The following KIAA1217 variants were observed in gnomAD, a reference collection of about 807,000 sequenced individuals.
KIAA1217 encodes sickle tail protein homolog.
Under a neutral mutation model 163.9 loss-of-function variants are expected in KIAA1217, and 88 were observed. The ratio of observed to expected loss-of-function variants is 0.54; its 90% CI spans 0.45 to 0.64. The LOEUF (loss-of-function observed/expected upper bound fraction) is 0.64. KIAA1217 is among the 30% of genes least tolerant of loss of function. The pLI, the probability that KIAA1217 is intolerant of heterozygous loss-of-function variation, is 0.00. For synonymous variants in KIAA1217, 903 were observed against 923.1 expected, an observed-to-expected ratio of 0.98 and a Z score of 0.39; for missense variants, 2,372 against 2,475.0, an observed-to-expected ratio of 0.96 and a Z score of 0.88.
intron 2 of KIAA1217, among the ~76,000 whole-genome samples, chr10:24,033,849 C>T (rs1238684205): frequency 6.6e-6 from 1 of 152,196 alleles, no homozygotes; most frequent in Non-Finnish European, 1.5e-5. Flanking sequence ...TTGTCTATGG[C>T]TATTTTTACA....
intron 2 of KIAA1217, among the ~76,000 whole-genome samples, chr10:24,307,628 A>AT (rs2042152740): frequency 6.6e-6 from 1 of 151,884 alleles, no homozygotes; most frequent in South Asian, 2.1e-4. Flanking sequence ...AAAAAAAAAA[A>AT]ATATTAGCCA....
At chr10:24,494,159 A>G (rs1178142726) in intron 6 of KIAA1217, among the ~76,000 whole-genome samples, 3 of 152,210 alleles carry the variant, frequency 2.0e-5, no homozygotes, top group Admixed American at 6.5e-5. Context: ...TGCGAATGCT[A>G]GGGAACAGCC....
intron 1 of KIAA1217, among the ~76,000 whole-genome samples, chr10:23,896,434 C>T (rs1002923313): frequency 6.6e-6 from 1 of 152,026 alleles, no homozygotes; most frequent in Non-Finnish European, 1.5e-5. Context: ...CCTATGAAGT[C>T]ATCACCTGAT....
chr10:24,016,740 C>T (rs1847495595), intron 2 of KIAA1217, among the ~76,000 whole-genome samples: 1 of 151,976 alleles, frequency 6.6e-6, no homozygotes, highest in African/African-American at 2.4e-5. Flanking sequence ...CCTCTTTCTG[C>T]CTCAGTTTCC....
At chr10:23,798,627 T>C (rs1221516315) in intron 1 of KIAA1217, among the ~76,000 whole-genome samples, 1 of 152,182 alleles carries the variant, frequency 6.6e-6, no homozygotes, top group East Asian at 1.9e-4. Flanking sequence ...CAGAGCTCCA[T>C]GGAGTTTGTT....
intron 2 of KIAA1217, 21 bp downstream of exon 2, chr10:24,219,930 C>T: frequency 6.4e-7 from 1 of 1,560,218 alleles, no homozygotes; most frequent in Non-Finnish European, 8.6e-7. Flanking sequence ...GCTCTCATTT[C>T]TCCTTGTGTA....
At chr10:24,166,799 A>C (rs1345292447) in intron 2 of KIAA1217, among the ~76,000 whole-genome samples, 1 of 152,184 alleles carries the variant, frequency 6.6e-6, no homozygotes, top group Admixed American at 6.5e-5. Context: ...GAAAGCATAA[A>C]TATTTAAGGT....
intron 2 of KIAA1217, among the ~76,000 whole-genome samples, chr10:24,113,504 T>G (rs1040465414): frequency 2.0e-5 from 3 of 152,154 alleles, no homozygotes; most frequent in Admixed American, 6.5e-5. Flanking sequence ...GGGATGAGTA[T>G]TGTAGAAGAT....
At chr10:24,501,297 C>G in intron 8 of KIAA1217, 82 bp from the exon 9 acceptor site, 1 of 1,281,258 alleles carries the variant, frequency 7.8e-7, no homozygotes, top group Non-Finnish European at 1.1e-6. Context: ...TTAGAATTAC[C>G]AGTCATCTGC....
intron 2 of KIAA1217, among the ~76,000 whole-genome samples, chr10:24,243,263 T>C (rs2073325548): frequency 6.6e-6 from 1 of 152,162 alleles, no homozygotes; most frequent in South Asian, 2.1e-4. Context: ...GTTTCTTAAA[T>C]TTTATTTTAT....
intron 10 of KIAA1217, among the ~76,000 whole-genome samples, chr10:24,518,232 T>A (rs993536584): frequency 1.3e-5 from 2 of 152,230 alleles, no homozygotes; most frequent in African/African-American, 4.8e-5. Context: ...TTGATTACCA[T>A]GTCAAAAATT....
intron 2 of KIAA1217, among the ~76,000 whole-genome samples, chr10:24,073,805 T>C (rs1344783133): frequency 6.6e-6 from 1 of 152,104 alleles, no homozygotes; most frequent in Non-Finnish European, 1.5e-5. Context: ...ACCAAATGAA[T>C]GACTAGAGTG....
chr10:24,090,834 T>C (rs2061912688), intron 2 of KIAA1217, among the ~76,000 whole-genome samples: 1 of 151,838 alleles, frequency 6.6e-6, no homozygotes, highest in African/African-American at 2.4e-5. Context: ...ATGGCAGCCT[T>C]CCAATAAATA....
chr10:24,073,544 T>A (rs922187490), intron 2 of KIAA1217, among the ~76,000 whole-genome samples: 1 of 152,180 alleles, frequency 6.6e-6, no homozygotes, highest in Admixed American at 6.5e-5. Context: ...CCAGAAAACA[T>A]GTCGAGGGCT....
chr10:24,230,202 T>C (rs1447032733), intron 2 of KIAA1217, among the ~76,000 whole-genome samples: 1 of 152,188 alleles, frequency 6.6e-6, no homozygotes, highest in East Asian at 1.9e-4. Flanking sequence ...TCTCTTTACA[T>C]GTATTACAGG....
chr10:24,522,328 A>T (rs899099911), intron 12 of KIAA1217, among the ~76,000 whole-genome samples: 1 of 151,996 alleles, frequency 6.6e-6, no homozygotes, highest in African/African-American at 2.4e-5. Context: ...CATTTCTTTT[A>T]AAAAAATCAT....
At chr10:24,432,263 A>G (rs919797648) in intron 3 of KIAA1217, among the ~76,000 whole-genome samples, 3 of 151,666 alleles carry the variant, frequency 2.0e-5, no homozygotes, top group African/African-American at 7.3e-5. Context: ...GATTACAGGC[A>G]TGTGCCACCA....
intron 1 of KIAA1217, among the ~76,000 whole-genome samples, chr10:23,707,944 A>G (rs1326113871): frequency 7.2e-5 from 11 of 152,352 alleles, no homozygotes; most frequent in Middle Eastern, 3.4e-3. Flanking sequence ...GGCTGGTCAC[A>G]GAGGGAAGGA....
chr10:23,868,485 G>GT (rs1173428854), intron 1 of KIAA1217, among the ~76,000 whole-genome samples: 114 of 151,536 alleles, frequency 7.5e-4, no homozygotes, highest in East Asian at 1.8e-3. Flanking sequence ...GTATGGAGAT[G>GT]TTTTTTTTTG....
Sources: gnomAD v4.1 joint callset for allele counts (sites outside exome capture counted in the v4.1 genomes callset) on GRCh38, gnomAD v4.1.1 for gene constraint, MANE v1.5 for transcripts, NCBI Gene and HGNC (gene_info 2026-07-23, HGNC 2026-07-21) for gene names.